The following NFIA variants were observed in gnomAD, a reference collection of about 807,000 sequenced individuals.
NFIA encodes the protein nuclear factor 1 A-type.
Under a neutral mutation model 62.8 loss-of-function variants are expected in NFIA, and 8 were observed. The observed-to-expected ratio is 0.13, with a 90% CI of 0.07 to 0.23. The LOEUF (loss-of-function observed/expected upper bound fraction) is 0.23, where lower values mean the gene tolerates loss of function less well. NFIA is among the 10% of genes least tolerant of loss of function. NFIA has a pLI of 1.00. For missense variants in NFIA, 410 were observed against 642.1 expected (o/e 0.64, Z 3.91); for synonymous variants, 235 against 238.1 (o/e 0.99, Z 0.12).
At chr1:61,169,747 G>C (rs1557611518) in intron 2 of NFIA, among the ~76,000 whole-genome samples, 1 of 151,884 alleles carries the variant, frequency 6.6e-6, no homozygotes, top group Non-Finnish European at 1.5e-5. Context: ...TCCCCAACTT[G>C]GTTCTGAATT....
chr1:61,252,166 C>A (rs929592211), intron 2 of NFIA, among the ~76,000 whole-genome samples: 1 of 152,160 alleles, frequency 6.6e-6, no homozygotes, highest in Admixed American at 6.5e-5. Flanking sequence ...TTTGGATAGA[C>A]CCTCATAGTA....
At chr1:61,082,441 GGCGCGCGGGCA>G (rs1044530078), upstream of NFIA, 8 of 1,033,202 alleles carry the variant, frequency 7.7e-6, no homozygotes, top group African/African-American at 1.2e-4. Context: ...GGCGGAGGCG[GGCGCGCGGGCA>G]GCTCGCGGGC....
intron 3 of NFIA, among the ~76,000 whole-genome samples, chr1:61,301,769 C>T (rs1239149974): frequency 1.3e-5 from 2 of 152,140 alleles, no homozygotes; most frequent in African/African-American, 2.4e-5. Flanking sequence ...CACCTCCAAA[C>T]AGAAATGATT....
intron 2 of NFIA, among the ~76,000 whole-genome samples, chr1:61,157,104 A>G (rs1042428895): frequency 6.6e-6 from 1 of 152,218 alleles, no homozygotes; most frequent in Non-Finnish European, 1.5e-5. Context: ...TATTTTTCCT[A>G]GTGATAGTTT....
At chr1:61,323,707 T>C (rs1379353781) in intron 3 of NFIA, among the ~76,000 whole-genome samples, 1 of 152,118 alleles carries the variant, frequency 6.6e-6, no homozygotes, top group Non-Finnish European at 1.5e-5. Flanking sequence ...TCCAAGATAA[T>C]CTAAATTAAG....
At chr1:61,201,331 T>A (rs1652476237) in intron 2 of NFIA, among the ~76,000 whole-genome samples, 1 of 152,186 alleles carries the variant, frequency 6.6e-6, no homozygotes, top group Non-Finnish European at 1.5e-5. Flanking sequence ...CTGACCTGTT[T>A]TCTGTTTTTT....
At chr1:61,194,947 A>G (rs1297508983) in intron 2 of NFIA, among the ~76,000 whole-genome samples, 1 of 152,230 alleles carries the variant, frequency 6.6e-6, no homozygotes, top group Non-Finnish European at 1.5e-5. Context: ...AACACAGCAT[A>G]GAATTCTTCA....
intron 6 of NFIA, among the ~76,000 whole-genome samples, chr1:61,374,266 T>A (rs1045374729): frequency 2.0e-5 from 3 of 152,128 alleles, no homozygotes; most frequent in Admixed American, 2.0e-4. Context: ...TTATCCTCAG[T>A]CCTTCTGTGA....
rs1355779872 is a variant in NFIA, at chr1:61,334,611, A to G, written c.700+2025A>G. On this transcript the variant is annotated intron_variant, in intron 4 of 10. Coordinates refer to ENST00000403491, the MANE Select transcript of NFIA (RefSeq NM_001134673.4). ...TATATATATATATATATATATATATATGTATCAGACCATACCAGTCATAGT... is the reference window on the plus strand; with the variant it reads ...TATATATATATATATATATATATATGTGTATCAGACCATACCAGTCATAGT... Among the ~76,000 whole-genome samples the G allele has an allele frequency of 2.0e-3, 233 of 119,032 alleles. 3 individuals carry two copies. Among genetic ancestry groups the G allele is most frequent in the African/African-American group, 7.0e-3 (215 of 30,932 alleles). The allele number at this position is 119,032 out of a possible 152,430, so 78.1% of individuals were successfully genotyped here. A position where few individuals can be genotyped will look rare whatever the true frequency, so the allele number is the denominator to read the frequency against.
chr1:61,123,029 T>TA (rs1405968109), intron 2 of NFIA, among the ~76,000 whole-genome samples: 1 of 152,230 alleles, frequency 6.6e-6, no homozygotes, highest in Admixed American at 6.5e-5. Context: ...GTGGGACTTC[T>TA]AACCCCTAAT....
chr1:61,087,260 A>G (rs1429886154), intron 1 of NFIA, among the ~76,000 whole-genome samples: 1 of 152,126 alleles, frequency 6.6e-6, no homozygotes, highest in African/African-American at 2.4e-5. Context: ...CTATGAGAAA[A>G]ATCCTGAAAT....
chr1:61,426,060 A>G (rs1666850652), intron 9 of NFIA, among the ~76,000 whole-genome samples: 1 of 152,160 alleles, frequency 6.6e-6, no homozygotes, highest in South Asian at 2.1e-4. Context: ...TGTGAAAAGC[A>G]AGCTTGTAAA....
chr1:61,317,745 A>AT (rs1001635433), intron 3 of NFIA, among the ~76,000 whole-genome samples: 2 of 151,994 alleles, frequency 1.3e-5, no homozygotes, highest in African/African-American at 4.8e-5. Flanking sequence ...TTATTTCTTA[A>AT]TTTTTTCTGT....
At chr1:61,288,368 T>C (rs1449607319) in intron 3 of NFIA, among the ~76,000 whole-genome samples, 6 of 152,212 alleles carry the variant, frequency 3.9e-5, no homozygotes, top group Non-Finnish European at 2.9e-5. Context: ...CATCTGTAAT[T>C]GGGACAACTT....
In NFIA at chr1:61,332,584, A is replaced by G; in HGVS notation, c.698A>G (p.Gln233Arg). 6.2e-7 allele frequency: 1 copy of G among 1,613,550 alleles called. No homozygotes were observed. Among genetic ancestry groups the G allele is most frequent in the Non-Finnish European group, 8.5e-7 (1 of 1,179,564 alleles). Residue 233 changes from glutamine to arginine, a missense_variant and splice_region_variant, in exon 4 of 11, where the codon CAG becomes CGG. Physicochemically the swap from Gln to Arg is conservative, Grantham distance 43. Around this residue, in one of 3 missense-constraint regions of NFIA, gnomAD observed 298 missense variants for 438.1 expected, o/e 0.68. Transcript: ENST00000403491. The stretch of plus-strand genomic sequence containing the variant: ...GTCACTGAGCTAGTAAGAGTGTCAC[A>G]GAGTAAGTATAATTTTGCTTTGATT... ...FSVTELVRVS[Q>R]TPIAAGTGPN...
intron 9 of NFIA, among the ~76,000 whole-genome samples, chr1:61,421,321 G>A (rs550205685): frequency 3.3e-5 from 5 of 152,268 alleles, no homozygotes; most frequent in East Asian, 1.9e-4. Context: ...AGCCTGGCAC[G>A]TAGCAAGTGT....
At chr1:61,388,683 T>G (rs1664822127) in intron 7 of NFIA, among the ~76,000 whole-genome samples, 1 of 152,200 alleles carries the variant, frequency 6.6e-6, no homozygotes, top group African/African-American at 2.4e-5. Flanking sequence ...TTGAAAGTAA[T>G]TGAAAGAGTT....
At chr1:61,365,463 A>G (rs1435487611) in intron 6 of NFIA, among the ~76,000 whole-genome samples, 1 of 152,190 alleles carries the variant, frequency 6.6e-6, no homozygotes, top group Non-Finnish European at 1.5e-5. Flanking sequence ...CTATTTTCAA[A>G]TAGATTAGAA....
At chr1:61,184,806 A>G (rs1651042544) in intron 2 of NFIA, among the ~76,000 whole-genome samples, 1 of 152,260 alleles carries the variant, frequency 6.6e-6, no homozygotes, top group East Asian at 1.9e-4. Context: ...GGAAAATGGT[A>G]AAATGCAACC....
Sources: allele counts gnomAD v4.1 joint callset (sites outside exome capture counted in the v4.1 genomes callset), GRCh38; gene constraint gnomAD v4.1.1; regional missense constraint gnomAD v4.1.1; transcripts MANE v1.5; gene names NCBI Gene and HGNC (gene_info 2026-07-23, HGNC 2026-07-21).